STAM: variants seen among roughly 807,000 people sequenced by gnomAD.
STAM encodes signal transducing adapter molecule 1.
A neutral mutation model predicts 63.4 loss-of-function variants in STAM; 16 were observed. The observed-to-expected ratio is 0.25, with a 90% CI of 0.17 to 0.38. The LOEUF is 0.38. STAM is among the 10% of genes least tolerant of loss of function. STAM has a pLI of 1.00. For missense variants in STAM, 636 were observed against 657.1 expected, an observed-to-expected ratio of 0.97 and a Z score of 0.35; for synonymous variants, 238 against 223.9, an observed-to-expected ratio of 1.06 and a Z score of -0.56.
chr10:17,647,382 G>C (rs1833559033), intron 1 of STAM, among the ~76,000 whole-genome samples: 1 of 152,072 alleles, frequency 6.6e-6, no homozygotes, highest in African/African-American at 2.4e-5. Flanking sequence ...TGGGATTTCA[G>C]GACACCAAAC....
chr10:17,685,062 A>G (rs1554825910), intron 4 of STAM, 135 bp downstream of exon 4: 5 of 648,738 alleles, frequency 7.7e-6, no homozygotes, highest in Admixed American at 3.4e-5. Context: ...CAGTATATAA[A>G]TAAATATTAT....
At chr10:17,674,321 G>A (rs1388424670) in intron 2 of STAM, among the ~76,000 whole-genome samples, 1 of 152,186 alleles carries the variant, frequency 6.6e-6, no homozygotes, top group Admixed American at 6.5e-5. Flanking sequence ...TAAAAGAGCA[G>A]TTTATTATAT....
intron 2 of STAM, among the ~76,000 whole-genome samples, chr10:17,666,182 T>C (rs1834367254): frequency 6.6e-6 from 1 of 152,180 alleles, no homozygotes; most frequent in Admixed American, 6.5e-5. Context: ...TGTCTTTGCT[T>C]AGCTTTAGCC....
chr10:17,647,642 CTG>C (rs782726604), intron 1 of STAM, among the ~76,000 whole-genome samples: 5 of 152,038 alleles, frequency 3.3e-5, no homozygotes, highest in Non-Finnish European at 5.9e-5. Context: ...CTTAGATAAT[CTG>C]TGTCTCAGTT....
intron 2 of STAM, among the ~76,000 whole-genome samples, chr10:17,680,201 T>G (rs1054214550): frequency 1.3e-5 from 2 of 152,170 alleles, no homozygotes; most frequent in Non-Finnish European, 2.9e-5. Flanking sequence ...CCCAATTCTT[T>G]AGATTGTAGC....
intron 1 of STAM, among the ~76,000 whole-genome samples, chr10:17,649,960 A>AGTCTTT (rs1554821337): frequency 2.0e-5 from 3 of 152,182 alleles, no homozygotes; most frequent in African/African-American, 7.2e-5. Context: ...TTGAAACCCA[A>AGTCTTT]GAGGCATCTT....
chr10:17,714,312 A>ACCC (rs376861625), intron 13 of STAM, among the ~76,000 whole-genome samples: 8,553 of 149,370 alleles, frequency 0.057, 297 homozygotes, highest in Middle Eastern at 0.11. Context: ...TCCGCAAACC[A>ACCC]CCCCCCCCAA....
intron 2 of STAM, among the ~76,000 whole-genome samples, chr10:17,666,603 T>C (rs1834394982): frequency 2.0e-5 from 3 of 152,052 alleles, no homozygotes; most frequent in Admixed American, 2.0e-4. Context: ...TTCACCGTGT[T>C]AGCCAGGATG....
At chr10:17,708,996 C>A in intron 13 of STAM, 45 bp downstream of exon 13, 1 of 1,581,648 alleles carries the variant, frequency 6.3e-7, no homozygotes, top group South Asian at 1.1e-5. Flanking sequence ...GCTGTTACAG[C>A]TGTTTAAGTG....
At chr10:17,694,946 A>G in intron 6 of STAM, 103 bp from the exon 7 acceptor site, 1 of 1,052,572 alleles carries the variant, frequency 9.5e-7, no homozygotes, top group Middle Eastern at 2.1e-4. Context: ...TTCTAACTAT[A>G]CTATTGAAGG....
rs111641650 is a variant in STAM at position 17,693,479 on chromosome 10, T to G, written c.535+167T>G. ...CTTGAGAGGCAATTACTGTCACATG[T>G]ATCCTTTCAGTCTATGTTTTTATGA... is the stretch of plus-strand genomic sequence containing the variant. On this transcript the variant is annotated intron_variant, in intron 6 of 13. Coordinates refer to ENST00000377524, the MANE Select transcript of STAM (RefSeq NM_003473.4). Among the ~76,000 whole-genome samples, 800 of 152,358 alleles carry G rather than the reference T, an allele frequency of 5.3e-3. 12 individuals carry two copies. Among genetic ancestry groups the G allele is most frequent in the African/African-American group, 0.019 (775 of 41,594 alleles).
intron 8 of STAM, among the ~76,000 whole-genome samples, chr10:17,697,754 A>G (rs1285399560): frequency 6.6e-6 from 1 of 152,326 alleles, no homozygotes; most frequent in Middle Eastern, 3.4e-3. Context: ...TCAAATCTAG[A>G]AAGATTTGTA....
chr10:17,677,043 A>C (rs1430202205), intron 2 of STAM, among the ~76,000 whole-genome samples: 1 of 152,324 alleles, frequency 6.6e-6, no homozygotes, highest in African/African-American at 2.4e-5. Context: ...TTAAGCTAGT[A>C]TGTAAAAAGA....
At chr10:17,669,669 G>A (rs1226422836) in intron 2 of STAM, among the ~76,000 whole-genome samples, 1 of 150,018 alleles carries the variant, frequency 6.7e-6, no homozygotes, top group African/African-American at 2.4e-5. Flanking sequence ...TTCTTTCACT[G>A]ATTGGGAATT....
At chr10:17,690,062 G>A (rs962064362) in intron 5 of STAM, among the ~76,000 whole-genome samples, 1 of 152,206 alleles carries the variant, frequency 6.6e-6, no homozygotes, top group Non-Finnish European at 1.5e-5. Flanking sequence ...GTTTTAGGGA[G>A]CCTCTAATCT....
At chr10:17,676,068 A>G (rs17141484) in intron 2 of STAM, among the ~76,000 whole-genome samples, 4,835 of 152,288 alleles carry the variant, frequency 0.032, 92 homozygotes, top group Middle Eastern at 0.14. Flanking sequence ...CATTTGCCCT[A>G]AGAGCTTCAA....
At chr10:17,694,991 TCTTCAGA>T in intron 6 of STAM, 51 bp from the exon 7 acceptor site, 3 of 1,520,970 alleles carry the variant, frequency 2.0e-6, no homozygotes, top group Non-Finnish European at 1.8e-6. Context: ...TTTTTCTACT[TCTTCAGA>T]CTGTTGGATA....
At chr10:17,666,387 ATTTTTTTTTTTTTTT>A (rs10673746) in intron 2 of STAM, among the ~76,000 whole-genome samples, 1 of 85,912 alleles carries the variant, frequency 1.2e-5, no homozygotes, top group African/African-American at 5.0e-5. Context: ...TTGGCTTTGT[ATTTTTTTTTTTTTTT>A]TTTTTTTTTT....
intron 2 of STAM, among the ~76,000 whole-genome samples, chr10:17,668,736 C>T (rs1439727607): frequency 2.0e-5 from 3 of 152,306 alleles, no homozygotes; most frequent in South Asian, 4.1e-4. Flanking sequence ...TTCAGACTGG[C>T]ATCTTTCACT....
Sources: allele counts gnomAD v4.1 joint callset (sites outside exome capture counted in the v4.1 genomes callset), GRCh38; gene constraint gnomAD v4.1.1; transcripts MANE v1.5; gene names NCBI Gene and HGNC (gene_info 2026-07-23, HGNC 2026-07-21).